The following DOCK8 variants were observed in gnomAD, a reference collection of about 807,000 sequenced individuals.
DOCK8 encodes the protein dedicator of cytokinesis protein 8.
DOCK8 carries 141 observed loss-of-function variants against 245.6 expected under a neutral mutation model. The ratio of observed to expected loss-of-function variants is 0.57; its 90% confidence interval spans 0.50 to 0.66. DOCK8 has a LOEUF of 0.66. Among genes scored for constraint, DOCK8 ranks in the 30% least tolerant of loss-of-function variants. The pLI is 0.00. For missense variants in DOCK8, 2,965 were observed against 2,603.4 expected, an observed-to-expected ratio of 1.14 and a Z score of -3.02; for synonymous variants, 1,168 against 970.2, an observed-to-expected ratio of 1.20 and a Z score of -3.79.
chr9:232,379 A>C (rs908994149), intron 1 of DOCK8, among the ~76,000 whole-genome samples: 6 of 152,140 alleles, frequency 3.9e-5, no homozygotes, highest in Admixed American at 6.6e-5. Context: ...TGTCTCTGCC[A>C]GGCTTTGGTA....
chr9:343,170 G>A (rs746698218), intron 14 of DOCK8, among the ~76,000 whole-genome samples: 2 of 152,080 alleles, frequency 1.3e-5, no homozygotes, highest in Admixed American at 6.5e-5. Context: ...ATTAAGACCC[G>A]GAAAGGATAA....
chr9:296,224 T>G (rs1242836810), intron 4 of DOCK8, among the ~76,000 whole-genome samples: 1 of 152,198 alleles, frequency 6.6e-6, no homozygotes, highest in Non-Finnish European at 1.5e-5. Context: ...TCTGCATATT[T>G]TGATAATGTT....
At chr9:347,642 G>A (rs997355463) in intron 14 of DOCK8, among the ~76,000 whole-genome samples, 1 of 152,200 alleles carries the variant, frequency 6.6e-6, no homozygotes, top group African/African-American at 2.4e-5. Context: ...AAGGGCAGTG[G>A]CAGCCCAGGC....
Position 446,519 on chromosome 9 carries a change from T to C in DOCK8, c.5730T>C (p.His1910=), listed in dbSNP as rs920043161. 3 of 1,614,116 alleles carry C rather than the reference T, an allele frequency of 1.9e-6. No individual in the cohort carries two copies. Among genetic ancestry groups the C allele is most frequent in the African/African-American group, 2.7e-5 (2 of 74,940 alleles). ...AGGGGCGGCCTCGGGGAGAGCTGCA[T>C]GAGCAGTACAGAAGGAACACAGTCC... The part of the protein sequence containing the change: ...TLEGRPRGEL[H]EQYRRNTVLT... Residue 1910 remains histidine (H), a synonymous_variant, in exon 44 of 48, where the codon CAT becomes CAC. Transcript: ENST00000432829.
intron 14 of DOCK8, among the ~76,000 whole-genome samples, chr9:362,158 C>G (rs2052760529): frequency 6.6e-6 from 1 of 152,160 alleles, no homozygotes; most frequent in South Asian, 2.1e-4. Flanking sequence ...TTCTCCTTGG[C>G]AGATGTGGGT....
intron 26 of DOCK8, among the ~76,000 whole-genome samples, chr9:401,565 G>A (rs1218968786): frequency 1.3e-5 from 2 of 152,136 alleles, no homozygotes; most frequent in Non-Finnish European, 2.9e-5. Context: ...TATGGGGTCT[G>A]CAAAGGAGGC....
chr9:283,713 G>C (rs2048693691), intron 2 of DOCK8, among the ~76,000 whole-genome samples: 1 of 152,160 alleles, frequency 6.6e-6, no homozygotes, highest in South Asian at 2.1e-4. Flanking sequence ...GTTGCTGCAA[G>C]AGACATGATT....
rs370836420 is a variant in DOCK8 at position 434,990 on chromosome 9, G to C, written c.5079+15G>C. The C allele has an allele frequency of 1.2e-6, 2 of 1,611,404 alleles. No homozygotes were observed. Among genetic ancestry groups the C allele is most frequent in the African/African-American group, 2.7e-5 (2 of 74,878 alleles). On this transcript the variant is annotated intron_variant, in intron 39 of 47. Coordinates refer to ENST00000432829, the MANE Select transcript of DOCK8 (RefSeq NM_203447.4). ...TCAGCTTCCAGGTAGGGTGTGTGCAGCTTTTCCCTTAGAGCAGTGGTTCTC... is the reference window on the plus strand; with the variant it reads ...TCAGCTTCCAGGTAGGGTGTGTGCACCTTTTCCCTTAGAGCAGTGGTTCTC...
At chr9:390,609 A>G in intron 24 of DOCK8, 43 bp downstream of exon 24, 1 of 1,563,454 alleles carries the variant, frequency 6.4e-7, no homozygotes, top group Non-Finnish European at 8.8e-7. Flanking sequence ...ATAGGCCAAG[A>G]GAAGCACACA....
upstream of DOCK8, chr9:214,564 T>C: frequency 6.2e-7 from 1 of 1,614,044 alleles, no homozygotes; most frequent in Non-Finnish European, 8.5e-7. Context: ...CTCCCCCGAC[T>C]TGCCTACATT....
At chr9:250,089 A>G (rs1414970616) in intron 1 of DOCK8, among the ~76,000 whole-genome samples, 1 of 152,108 alleles carries the variant, frequency 6.6e-6, no homozygotes, top group Non-Finnish European at 1.5e-5. Context: ...ACTGTATTCC[A>G]CATACTAGGG....
intron 5 of DOCK8, among the ~76,000 whole-genome samples, chr9:307,363 T>G (rs559811873): frequency 0.034 from 2,398 of 70,950 alleles, 81 homozygotes; most frequent in South Asian, 0.091. Flanking sequence ...TTTTTTTTTT[T>G]TTTTTTTTTT....
At chr9:237,482 T>C (rs1443649075) in intron 1 of DOCK8, among the ~76,000 whole-genome samples, 3 of 152,174 alleles carry the variant, frequency 2.0e-5, no homozygotes, top group African/African-American at 7.2e-5. Flanking sequence ...TGGTGAAACC[T>C]AGTCTCTACA....
intron 8 of DOCK8, among the ~76,000 whole-genome samples, chr9:326,110 A>C (rs1452389632): frequency 6.6e-6 from 1 of 152,232 alleles, no homozygotes; most frequent in Non-Finnish European, 1.5e-5. Flanking sequence ...TCATGACTGA[A>C]GGGCATCTTA....
intron 4 of DOCK8, among the ~76,000 whole-genome samples, chr9:289,883 T>C (rs1299737223): frequency 6.6e-6 from 1 of 152,214 alleles, no homozygotes; most frequent in African/African-American, 2.4e-5. Context: ...TTCTATGGGT[T>C]TTGACAAATG....
intron 34 of DOCK8, among the ~76,000 whole-genome samples, chr9:427,792 A>G (rs190584911): frequency 7.2e-5 from 11 of 152,326 alleles, no homozygotes; most frequent in Admixed American, 6.5e-4. Context: ...GTTGACTTTA[A>G]TATCTTTGAT....
intron 46 of DOCK8, among the ~76,000 whole-genome samples, chr9:453,963 A>G (rs1010298149): frequency 6.6e-6 from 1 of 152,226 alleles, no homozygotes; most frequent in African/African-American, 2.4e-5. Context: ...GGGACTACAG[A>G]GATCTGGCTT....
At chr9:272,298 A>G (rs769917344) in intron 2 of DOCK8, among the ~76,000 whole-genome samples, 1 of 152,212 alleles carries the variant, frequency 6.6e-6, no homozygotes, top group South Asian at 2.1e-4. Context: ...TCCCCAGGCC[A>G]CACCCTCCAA....
chr9:422,053 G>C lies in DOCK8; in HGVS notation c.4159G>C (p.Asp1387His), dbSNP rs182516558. 18 of 1,613,834 alleles carry C rather than the reference G, an allele frequency of 1.1e-5. No homozygotes were observed. Among genetic ancestry groups the C allele is most frequent in the Non-Finnish European group, 1.4e-5 (16 of 1,179,870 alleles). ...ATGCATTTCTTAACTCCTAGGGAAC[G>C]ACCGATTTCCAGGCCTAAATGAAAA... The part of the protein sequence containing the change: ...EMMRRRAPGN[D>H]RFPGLNENLR... Residue 1387 changes from aspartate to histidine, a missense_variant, in exon 33 of 48, where the codon GAC (aspartate) becomes CAC (histidine). Asp to His is a moderately conservative substitution (Grantham distance 81). Coordinates refer to ENST00000432829, the MANE Select transcript of DOCK8 (RefSeq NM_203447.4).
Sources: allele counts gnomAD v4.1 joint callset (sites outside exome capture counted in the v4.1 genomes callset), GRCh38; gene constraint gnomAD v4.1.1; transcripts MANE v1.5; gene names NCBI Gene and HGNC (gene_info 2026-07-23, HGNC 2026-07-21).